Variants in SPIN1 observed in about 807,000 individuals in gnomAD.
SPIN1 encodes spindlin-1.
Under a neutral mutation model 26.0 loss-of-function variants are expected in SPIN1, and 3 were observed. That is an observed-to-expected ratio of 0.12 (90% CI 0.05 to 0.30). SPIN1 has a LOEUF of 0.30. Ranked by LOEUF, SPIN1 falls within the 10% of genes least tolerant of loss-of-function variation. The pLI is 1.00. For synonymous variants in SPIN1, 101 were observed against 116.5 expected, an observed-to-expected ratio of 0.87 and a Z score of 0.86; for missense variants, 126 against 333.4, an observed-to-expected ratio of 0.38 and a Z score of 4.84.
At chr9:88,471,642 G>A (rs192274683) in intron 5 of SPIN1, among the ~76,000 whole-genome samples, 79 of 106,300 alleles carry the variant, frequency 7.4e-4, no homozygotes, top group African/African-American at 4.5e-4. Flanking sequence ...GCAACAGAGC[G>A]AGACTCTGTC....
intron 2 of SPIN1, 84 bp downstream of exon 2, chr9:88,426,675 A>G (rs561319876): frequency 2.4e-5 from 29 of 1,201,274 alleles, no homozygotes; most frequent in South Asian, 1.0e-4. Flanking sequence ...GTACTTTCAC[A>G]TAATAGCTAG....
Position 88,476,235 on chromosome 9 carries a change from A to G in SPIN1, c.*958A>G, listed in dbSNP as rs1311274773. 6.6e-6 allele frequency: 1 copy of G among 152,220 alleles called. No homozygotes were observed. Among genetic ancestry groups the G allele is most frequent in the Admixed American group, 6.5e-5 (1 of 15,282 alleles). 9.4% of individuals were successfully genotyped at this position (152,220 alleles called of 1,614,324 possible). ...TTTCAGTACATGGATTTAAAAGGCA[A>G]CAATCCATCACTGGTTTGTGTGTTT... On this transcript the variant is annotated 3_prime_UTR_variant, in exon 6 of 6. Transcript: ENST00000375859.
chr9:88,428,054 T>A (rs1000469984), intron 2 of SPIN1, among the ~76,000 whole-genome samples: 1 of 152,216 alleles, frequency 6.6e-6, no homozygotes, highest in Admixed American at 6.5e-5. Flanking sequence ...TTGAAAAAAT[T>A]GCTGCCAGGT....
intron 1 of SPIN1, among the ~76,000 whole-genome samples, chr9:88,409,667 C>G (rs544115092): frequency 4.0e-5 from 6 of 151,402 alleles, no homozygotes; most frequent in African/African-American, 9.7e-5. Context: ...AACCCTGTCT[C>G]TACTAAAATA....
chr9:88,427,977 G>C (rs1488723747), intron 2 of SPIN1, among the ~76,000 whole-genome samples: 1 of 152,084 alleles, frequency 6.6e-6, no homozygotes, highest in African/African-American at 2.4e-5. Context: ...TAGTTGCCTG[G>C]CACTTTTAAT....
intron 1 of SPIN1, among the ~76,000 whole-genome samples, chr9:88,401,106 A>T (rs1248837121): frequency 2.0e-5 from 3 of 152,192 alleles, no homozygotes; most frequent in Non-Finnish European, 4.4e-5. Context: ...ACCTTTTTGG[A>T]GGATGGCTGC....
intron 3 of SPIN1, among the ~76,000 whole-genome samples, chr9:88,456,130 G>A (rs1357446084): frequency 3.9e-5 from 6 of 152,072 alleles, no homozygotes; most frequent in Non-Finnish European, 7.4e-5. Context: ...TGGACTCACG[G>A]AACAATGGAA....
Position 88,475,212 on chromosome 9 carries a change from G to A in SPIN1, c.724G>A (p.Val242Ile). The A allele has an allele frequency of 1.9e-6, 3 of 1,613,844 alleles. No individual in the cohort carries two copies. The highest frequency in any genetic ancestry group is 2.5e-6 in the Non-Finnish European group (3 of 1,179,976). Residue 242 changes from valine (V) to isoleucine (I), a missense_variant, in exon 6 of 6, where the codon GTC becomes ATC. Around this residue, in one of 7 missense-constraint regions of SPIN1, gnomAD observed 29 missense variants for 72.0 expected, o/e 0.40. Transcript: ENST00000375859. ...VIHQVEAKPSVYFIKFDDDFH... is the reference protein window; with the variant it reads ...VIHQVEAKPSIYFIKFDDDFH... ...TCATCAAGTAGAAGCCAAGCCCTCC[G>A]TCTATTTCATCAAGTTTGATGATGA...
chr9:88,437,995 T>C (rs1828042060), intron 2 of SPIN1, among the ~76,000 whole-genome samples: 1 of 151,894 alleles, frequency 6.6e-6, no homozygotes, highest in Non-Finnish European at 1.5e-5. Flanking sequence ...CTACTAAAAA[T>C]AGAAAGATTA....
intron 1 of SPIN1, among the ~76,000 whole-genome samples, chr9:88,409,490 G>T (rs569440578): frequency 5.3e-5 from 8 of 152,108 alleles, no homozygotes; most frequent in African/African-American, 1.4e-4. Context: ...TAGGGAATAG[G>T]CAGTCTGGGA....
intron 1 of SPIN1, among the ~76,000 whole-genome samples, chr9:88,405,478 C>T (rs1024270670): frequency 1.3e-4 from 19 of 151,474 alleles, no homozygotes; most frequent in African/African-American, 3.9e-4. Context: ...CCGCCCACCT[C>T]GCCCTCCCAA....
intron 1 of SPIN1, among the ~76,000 whole-genome samples, chr9:88,412,015 CAA>C (rs538756833): frequency 1.1e-4 from 12 of 113,988 alleles, no homozygotes; most frequent in Admixed American, 9.1e-5. Context: ...ACTAAAAATA[CAA>C]AAAAAAAAAA....
chr9:88,467,267 G>A (rs959173635), intron 4 of SPIN1, among the ~76,000 whole-genome samples: 1 of 151,968 alleles, frequency 6.6e-6, no homozygotes, highest in Non-Finnish European at 1.5e-5. Context: ...AACCACATGG[G>A]GTATCTGATT....
intron 2 of SPIN1, among the ~76,000 whole-genome samples, chr9:88,433,398 A>G (rs1040469152): frequency 1.3e-5 from 2 of 151,928 alleles, no homozygotes; most frequent in Non-Finnish European, 2.9e-5. Flanking sequence ...TTGCTTTTTA[A>G]ATAGCCTTTC....
intron 1 of SPIN1, among the ~76,000 whole-genome samples, chr9:88,424,740 G>A (rs1827733975): frequency 6.6e-6 from 1 of 152,168 alleles, no homozygotes; most frequent in Non-Finnish European, 1.5e-5. Context: ...TGATAAAAAG[G>A]TCTGTGTTGA....
At chr9:88,457,544 TAAAA>T (rs1228370800) in intron 3 of SPIN1, among the ~76,000 whole-genome samples, 1 of 151,600 alleles carries the variant, frequency 6.6e-6, no homozygotes, top group Non-Finnish European at 1.5e-5. Context: ...TAATAATAAA[TAAAA>T]TAAAACACCT....
At chr9:88,441,431 A>ATG (rs927476863) in intron 2 of SPIN1, among the ~76,000 whole-genome samples, 1 of 93,296 alleles carries the variant, frequency 1.1e-5, no homozygotes, top group African/African-American at 1.3e-4. Flanking sequence ...GCGCGCGCCC[A>ATG]TGTGTGTGTA....
rs1828894591 is a variant in SPIN1, at chr9:88,476,694, T to C, written c.*1417T>C. The C allele has an allele frequency of 6.6e-6, 1 of 152,218 alleles. No individual in the cohort carries two copies. Among genetic ancestry groups the C allele is most frequent in the Admixed American group, 6.5e-5 (1 of 15,274 alleles). 9.4% of individuals were successfully genotyped at this position (152,218 alleles called of 1,614,324 possible). A position where few individuals can be genotyped will look rare whatever the true frequency, so the allele number is the denominator to read the frequency against. ...AGGTTGTTTTAAACTGAAATAGAACTGCTAGTGTGATTGGTTGATCAGCAA... is the reference window on the plus strand; with the variant it reads ...AGGTTGTTTTAAACTGAAATAGAACCGCTAGTGTGATTGGTTGATCAGCAA... On this transcript the variant is annotated 3_prime_UTR_variant, in exon 6 of 6. Coordinates refer to ENST00000375859, the MANE Select transcript of SPIN1 (RefSeq NM_006717.3).
intron 1 of SPIN1, among the ~76,000 whole-genome samples, chr9:88,392,230 A>G (rs1170484286): frequency 6.6e-6 from 1 of 152,130 alleles, no homozygotes; most frequent in Non-Finnish European, 1.5e-5. Context: ...GTTGTGCATC[A>G]GTATTCAGTC....
Sources: allele counts gnomAD v4.1 joint callset (sites outside exome capture counted in the v4.1 genomes callset), GRCh38; gene constraint gnomAD v4.1.1; regional missense constraint gnomAD v4.1.1; transcripts MANE v1.5; gene names NCBI Gene and HGNC (gene_info 2026-07-23, HGNC 2026-07-21).